Variants in SLC4A4 observed in about 807,000 individuals in gnomAD.
The protein encoded by SLC4A4 is electrogenic sodium bicarbonate cotransporter 1.
In SLC4A4, 27 loss-of-function variants were observed where a neutral mutation model predicts 111.5. The ratio of observed to expected loss-of-function variants is 0.24; its 90% CI spans 0.18 to 0.33. The LOEUF (loss-of-function observed/expected upper bound fraction) is 0.33, where lower values mean the gene tolerates loss of function less well. Ranked by LOEUF, SLC4A4 falls within the 10% of genes least tolerant of loss-of-function variation. The pLI, the probability that SLC4A4 is intolerant of heterozygous loss-of-function variation, is 1.00. For missense variants in SLC4A4, 909 were observed against 1,315.5 expected, an observed-to-expected ratio of 0.69 and a Z score of 4.78; for synonymous variants, 443 against 463.4, an observed-to-expected ratio of 0.96 and a Z score of 0.57.
chr4:71,256,009 C>T (rs896398785), intron 3 of SLC4A4, among the ~76,000 whole-genome samples: 14 of 151,902 alleles, frequency 9.2e-5, no homozygotes, highest in Admixed American at 7.2e-4. Context: ...CAAAGAACAC[C>T]CTTGAATTCA....
intron 1 of SLC4A4, among the ~76,000 whole-genome samples, chr4:71,198,608 G>C (rs1746113120): frequency 3.1e-4 from 1 of 3,210 alleles, no homozygotes; most frequent in African/African-American, 3.4e-4. Flanking sequence ...CCTCACCAAA[G>C]CCTGTAATGG....
intron 17 of SLC4A4, 28 bp downstream of exon 17, chr4:71,532,203 T>G (rs755831511): frequency 8.2e-7 from 1 of 1,218,302 alleles, no homozygotes; most frequent in South Asian, 1.2e-5. Flanking sequence ...TTTTGGTCAT[T>G]CCTGGAACTC....
At chr4:71,488,239 T>C (rs1729598332) in intron 15 of SLC4A4, among the ~76,000 whole-genome samples, 1 of 151,416 alleles carries the variant, frequency 6.6e-6, no homozygotes, top group South Asian at 2.1e-4. Context: ...TTCCACTGAC[T>C]TAAGAAAAGA....
intron 2 of SLC4A4, among the ~76,000 whole-genome samples, chr4:71,136,198 A>G (rs997228892): frequency 2.6e-5 from 4 of 152,216 alleles, no homozygotes; most frequent in Admixed American, 6.5e-5. Context: ...CAGGGCCTTT[A>G]GCTGGGTGCT....
At chr4:71,470,501 G>T (rs960731838) in intron 13 of SLC4A4, among the ~76,000 whole-genome samples, 1 of 151,992 alleles carries the variant, frequency 6.6e-6, no homozygotes, top group Non-Finnish European at 1.5e-5. Flanking sequence ...CAAGAGATTT[G>T]GTTTCTGGTC....
intron 7 of SLC4A4, among the ~76,000 whole-genome samples, chr4:71,403,145 T>A (rs756536209): frequency 1.3e-5 from 2 of 152,212 alleles, no homozygotes; most frequent in African/African-American, 2.4e-5. Flanking sequence ...CTGAAGTAGA[T>A]GATCCTGTAT....
chr4:71,387,816 C>A (rs1015515177), intron 6 of SLC4A4, among the ~76,000 whole-genome samples: 13 of 152,052 alleles, frequency 8.5e-5, no homozygotes, highest in Non-Finnish European at 1.8e-4. Context: ...ATTTGGATGC[C>A]TCATCAAATC....
intron 1 of SLC4A4, among the ~76,000 whole-genome samples, chr4:71,193,461 T>C (rs75533085): frequency 9.7e-4 from 147 of 152,318 alleles, no homozygotes; most frequent in African/African-American, 3.5e-3. Context: ...GCCCGGCCCA[T>C]GTGGGAATTT....
chr4:71,087,186 T>C (rs559677238), intron 1 of SLC4A4, among the ~76,000 whole-genome samples: 22 of 152,232 alleles, frequency 1.4e-4, no homozygotes, highest in African/African-American at 5.3e-4. Flanking sequence ...TTCTAGTTTA[T>C]TTGCATAGAG....
chr4:71,174,392 A>G (rs112848542), intron 2 of SLC4A4, among the ~76,000 whole-genome samples: 7,966 of 151,908 alleles, frequency 0.052, 663 homozygotes, highest in African/African-American at 0.18. Flanking sequence ...TGGTATTAAC[A>G]GGTGTGCACC....
chr4:71,093,229 G>A (rs62302371), intron 2 of SLC4A4, among the ~76,000 whole-genome samples: 2 of 151,288 alleles, frequency 1.3e-5, no homozygotes, highest in Admixed American at 6.6e-5. Flanking sequence ...GTGCACTGGC[G>A]TCATCTTGGC....
intron 3 of SLC4A4, among the ~76,000 whole-genome samples, chr4:71,275,561 G>A (rs1723009590): frequency 1.3e-5 from 2 of 152,198 alleles, no homozygotes; most frequent in South Asian, 4.1e-4. Flanking sequence ...GTTTTCCTCA[G>A]AAAAGGAGCT....
At chr4:71,407,629 A>G (rs1413883222) in intron 7 of SLC4A4, among the ~76,000 whole-genome samples, 2 of 152,242 alleles carry the variant, frequency 1.3e-5, no homozygotes, top group African/African-American at 4.8e-5. Flanking sequence ...TAGGTAAGAA[A>G]TGGGAGAAAT....
chr4:71,437,237 A>G, intron 7 of SLC4A4: 1 of 373,528 alleles, frequency 2.7e-6, no homozygotes. Flanking sequence ...CAGCTTTCAG[A>G]GTGGATATCA....
At chr4:71,340,831 A>G (rs1480509584) in intron 4 of SLC4A4, among the ~76,000 whole-genome samples, 1 of 152,188 alleles carries the variant, frequency 6.6e-6, no homozygotes, top group Non-Finnish European at 1.5e-5. Flanking sequence ...TGTATTTATA[A>G]TGTCACATAT....
chr4:71,500,466 T>C (rs1230517613), intron 16 of SLC4A4, among the ~76,000 whole-genome samples: 1 of 152,162 alleles, frequency 6.6e-6, no homozygotes, highest in African/African-American at 2.4e-5. Context: ...TATTTAAGTC[T>C]TTAATCCCTG....
intron 6 of SLC4A4, among the ~76,000 whole-genome samples, chr4:71,363,604 C>T (rs1293103444): frequency 1.3e-5 from 2 of 152,206 alleles, no homozygotes; most frequent in East Asian, 1.9e-4. Context: ...TCATGCTTCT[C>T]TAGTTCTCAG....
chr4:71,087,004 G>T (rs1192983148), intron 1 of SLC4A4, among the ~76,000 whole-genome samples: 5 of 152,070 alleles, frequency 3.3e-5, no homozygotes, highest in South Asian at 2.1e-4. Flanking sequence ...TTGTACCTCT[G>T]GTAGAATTCG....
chr4:71,155,525 C>T (rs113078988), intron 2 of SLC4A4, among the ~76,000 whole-genome samples: 1 of 152,044 alleles, frequency 6.6e-6, no homozygotes, highest in African/African-American at 2.4e-5. Context: ...TGCAGTGGCA[C>T]CATTATAGCT....
Sources: gnomAD v4.1 joint callset for allele counts (sites outside exome capture counted in the v4.1 genomes callset) on GRCh38, gnomAD v4.1.1 for gene constraint, MANE v1.5 for transcripts, NCBI Gene and HGNC (gene_info 2026-07-23, HGNC 2026-07-21) for gene names.